Variants in LMBR1 observed in about 807,000 individuals in gnomAD.
LMBR1 encodes limb development membrane protein 1, also known as limb region 1 protein homolog.
A neutral mutation model predicts 73.9 loss-of-function variants in LMBR1; 52 were observed. That is an observed-to-expected ratio of 0.70 (90% CI 0.56 to 0.89). LMBR1 has a LOEUF of 0.89. LMBR1 is among the 40% of genes least tolerant of loss of function. The pLI is 0.00. For synonymous variants in LMBR1, 215 were observed against 209.4 expected, an observed-to-expected ratio of 1.03 and a Z score of -0.23; for missense variants, 539 against 579.8, an observed-to-expected ratio of 0.93 and a Z score of 0.72.
chr7:156,816,416 T>C (rs1348257510), intron 4 of LMBR1, among the ~76,000 whole-genome samples: 3 of 152,112 alleles, frequency 2.0e-5, no homozygotes, highest in Admixed American at 6.6e-5. Context: ...TGAAGAAATC[T>C]TTATCAGTAG....
chr7:156,773,067 A>C (rs569692219), intron 5 of LMBR1, among the ~76,000 whole-genome samples: 20 of 152,260 alleles, frequency 1.3e-4, no homozygotes, highest in Middle Eastern at 3.4e-3. Context: ...TAGACCAATA[A>C]CATCCAAGAA....
chr7:156,720,958 C>T (rs184864958), intron 15 of LMBR1, among the ~76,000 whole-genome samples: 3 of 151,876 alleles, frequency 2.0e-5, no homozygotes, highest in African/African-American at 7.2e-5. Flanking sequence ...AAGACCTCTC[C>T]AAAAAAGACC....
chr7:156,872,507 C>G (rs113336905), intron 1 of LMBR1, among the ~76,000 whole-genome samples: 4 of 151,732 alleles, frequency 2.6e-5, no homozygotes, highest in Non-Finnish European at 4.4e-5. Context: ...TTTAGCTGGG[C>G]GTGGTGGCGC....
chr7:156,845,731 C>T (rs573961963), intron 1 of LMBR1, among the ~76,000 whole-genome samples: 1 of 152,070 alleles, frequency 6.6e-6, no homozygotes, highest in East Asian at 1.9e-4. Context: ...TTTACTGCAG[C>T]CTTGAACTCC....
In LMBR1 at chr7:156,705,395, C is replaced by CA. The variant is rs1810700491; in HGVS notation, c.1226-17205dup. On this transcript the variant is annotated intron_variant, in intron 15 of 16. Transcript: ENST00000353442. ...CAACATGGTAAGACCTCCATCTCTA[C>CA]AAAAAACACAAAAGTTAGCTGGGCA... Among the ~76,000 whole-genome samples, 2 of 152,048 alleles carry CA rather than the reference C, an allele frequency of 1.3e-5. 1 individual carries two copies.
At chr7:156,892,790 G>T in intron 1 of LMBR1, 138 bp downstream of exon 1, 1 of 434,792 alleles carries the variant, frequency 2.3e-6, no homozygotes, top group Non-Finnish European at 3.9e-6. Context: ...GGTGGGGAGG[G>T]AGAGCGGCAG....
chr7:156,676,694 A>C (rs1182315602), downstream of LMBR1: 6 of 1,512,704 alleles, frequency 4.0e-6, no homozygotes, highest in Non-Finnish European at 5.5e-6. Flanking sequence ...CTGAGGAAAA[A>C]AGTTTACCAT....
intron 15 of LMBR1, among the ~76,000 whole-genome samples, chr7:156,720,457 A>G (rs973754685): frequency 3.4e-4 from 52 of 152,278 alleles, no homozygotes; most frequent in African/African-American, 1.2e-3. Context: ...CAGGAAACAC[A>G]TTTCGTAGAT....
At chr7:156,730,104 A>C (rs1343516208) in intron 10 of LMBR1, among the ~76,000 whole-genome samples, 3 of 152,264 alleles carry the variant, frequency 2.0e-5, no homozygotes, top group Admixed American at 6.5e-5. Flanking sequence ...ACCTTTCAGC[A>C]AACTCAACAG....
At chr7:156,688,296 T>A in intron 15 of LMBR1, 105 bp from the exon 16 acceptor site, 1 of 728,430 alleles carries the variant, frequency 1.4e-6, no homozygotes, top group Non-Finnish European at 2.2e-6. Flanking sequence ...ACTTTCTCAC[T>A]TCTGTGACGT....
intron 4 of LMBR1, among the ~76,000 whole-genome samples, chr7:156,812,780 A>G (rs955878988): frequency 7.9e-5 from 12 of 152,158 alleles, no homozygotes; most frequent in African/African-American, 2.9e-4. Flanking sequence ...AAACAAAATG[A>G]TTCTCTGTGC....
chr7:156,791,408 C>CT (rs1469601585), intron 5 of LMBR1, among the ~76,000 whole-genome samples: 1 of 152,286 alleles, frequency 6.6e-6, no homozygotes, highest in East Asian at 1.9e-4. Context: ...CTCTGTGTCT[C>CT]TTTAAGATGG....
chr7:156,765,977 C>T (rs1162492675), intron 5 of LMBR1, among the ~76,000 whole-genome samples: 1 of 152,134 alleles, frequency 6.6e-6, no homozygotes, highest in Non-Finnish European at 1.5e-5. Context: ...ATAATTATAA[C>T]ACTGTAACAA....
intron 15 of LMBR1, among the ~76,000 whole-genome samples, chr7:156,716,254 G>C (rs1004613336): frequency 2.6e-5 from 4 of 152,202 alleles, no homozygotes; most frequent in Non-Finnish European, 5.9e-5. Flanking sequence ...TGGATAGATA[G>C]AGAAAGGTGA....
At chr7:156,700,556 T>TA (rs963817171) in intron 15 of LMBR1, among the ~76,000 whole-genome samples, 29 of 151,678 alleles carry the variant, frequency 1.9e-4, no homozygotes, top group African/African-American at 3.9e-4. Flanking sequence ...TAATAAAATT[T>TA]AAAAAAAAAT....
At chr7:156,779,665 T>C (rs1207454595) in intron 5 of LMBR1, 18 of 1,282,018 alleles carry the variant, frequency 1.4e-5, no homozygotes, top group Non-Finnish European at 1.8e-5. Flanking sequence ...AAAAGCTCTA[T>C]GGAGAAGCTG....
At chr7:156,854,355 G>C (rs1164846653) in intron 1 of LMBR1, among the ~76,000 whole-genome samples, 5 of 152,126 alleles carry the variant, frequency 3.3e-5, no homozygotes, top group African/African-American at 1.2e-4. Context: ...CTAGTCTCAG[G>C]GGGGACTCCC....
intron 15 of LMBR1, among the ~76,000 whole-genome samples, chr7:156,716,322 TG>T (rs967597891): frequency 6.6e-6 from 1 of 152,224 alleles, no homozygotes; most frequent in African/African-American, 2.4e-5. Context: ...AAACTGTATT[TG>T]CAAATATCGA....
intron 8 of LMBR1, among the ~76,000 whole-genome samples, chr7:156,759,601 A>C (rs1822587953): frequency 6.6e-6 from 1 of 152,266 alleles, no homozygotes; most frequent in Non-Finnish European, 1.5e-5. Context: ...TACTCAATAA[A>C]TAATCTTTAT....
Sources: gnomAD v4.1 joint callset for allele counts (sites outside exome capture counted in the v4.1 genomes callset) on GRCh38, gnomAD v4.1.1 for gene constraint, MANE v1.5 for transcripts, NCBI Gene and HGNC (gene_info 2026-07-23, HGNC 2026-07-21) for gene names.